Variants in STK3 observed in about 807,000 individuals in gnomAD.
STK3 encodes serine/threonine kinase 3, also known as serine/threonine-protein kinase 3.
Under a neutral mutation model 58.0 loss-of-function variants are expected in STK3, and 41 were observed. The ratio of observed to expected loss-of-function variants is 0.71; its 90% CI spans 0.55 to 0.92. The LOEUF (loss-of-function observed/expected upper bound fraction) is 0.92, where lower values mean the gene tolerates loss of function less well. STK3 is among the 40% of genes least tolerant of loss of function. The probability of loss-of-function intolerance (pLI) is 0.00; values close to 1 mark genes in which losing one functional copy is unlikely to be tolerated. For missense variants in STK3, 479 were observed against 602.7 expected, an observed-to-expected ratio of 0.79 and a Z score of 2.15; for synonymous variants, 170 against 191.0, an observed-to-expected ratio of 0.89 and a Z score of 0.91.
At chr8:98,569,184 A>G (rs537713015) in intron 8 of STK3, among the ~76,000 whole-genome samples, 6 of 152,098 alleles carry the variant, frequency 3.9e-5, no homozygotes, top group Non-Finnish European at 8.8e-5. Flanking sequence ...TTTACACCCA[A>G]TCAATCAATC....
At chr8:98,734,232 C>T (rs972141603) in intron 4 of STK3, among the ~76,000 whole-genome samples, 2 of 152,128 alleles carry the variant, frequency 1.3e-5, no homozygotes, top group Admixed American at 1.3e-4. Context: ...TGGGTGGGAA[C>T]GTAGAGCTAA....
At chr8:98,915,431 C>CATATATATATAT (rs1564102087) in intron 1 of STK3, among the ~76,000 whole-genome samples, 4 of 34,158 alleles carry the variant, frequency 1.2e-4, no homozygotes, top group East Asian at 1.1e-3. Flanking sequence ...AATAAACTTT[C>CATATATATATAT]CTATATATAT....
At chr8:98,778,163 G>T (rs2131510223) in intron 1 of STK3, among the ~76,000 whole-genome samples, 1 of 152,224 alleles carries the variant, frequency 6.6e-6, no homozygotes, top group African/African-American at 2.4e-5. Context: ...AATCTACGAT[G>T]AACTCAAACA....
chr8:98,501,107 C>T (rs976916201), intron 10 of STK3, among the ~76,000 whole-genome samples: 11 of 152,066 alleles, frequency 7.2e-5, no homozygotes, highest in Non-Finnish European at 1.2e-4. Context: ...CCATTCTAAC[C>T]GGCATGAGAT....
At chr8:98,738,917 A>T (rs1016098364) in intron 4 of STK3, among the ~76,000 whole-genome samples, 1 of 152,264 alleles carries the variant, frequency 6.6e-6, no homozygotes, top group Non-Finnish European at 1.5e-5. Flanking sequence ...CGCGCTTAAA[A>T]AACGGTTCAC....
chr8:98,940,175 C>A (rs1274203582), intron 1 of STK3, among the ~76,000 whole-genome samples: 1 of 152,082 alleles, frequency 6.6e-6, no homozygotes, highest in East Asian at 1.9e-4. Context: ...GGAGCCCGAG[C>A]CGTATCCAGC....
rs1345926891 is a variant in STK3, at chr8:98,525,058, C to T, written c.1317+1684G>A. On this transcript the variant is annotated intron_variant, in intron 10 of 10. Coordinates refer to ENST00000419617, the MANE Select transcript of STK3 (RefSeq NM_006281.4). ...GCTCATTTCAAAGTGTTTCTCAGAGCCCATTAAGATGTATTCCATACTACT... is the reference window on the plus strand; with the variant it reads ...GCTCATTTCAAAGTGTTTCTCAGAGTCCATTAAGATGTATTCCATACTACT... 1.3e-5 allele frequency among the ~76,000 whole-genome samples: 2 copies of T among 152,014 alleles called. 1 individual carries two copies.
At chr8:98,593,023 C>G (rs1815469422) in intron 7 of STK3, among the ~76,000 whole-genome samples, 1 of 152,116 alleles carries the variant, frequency 6.6e-6, no homozygotes, top group Non-Finnish European at 1.5e-5. Context: ...CTCGGCCTCC[C>G]AAAGTGCTGG....
chr8:98,889,565 A>ATC (rs1199304728), intron 1 of STK3, among the ~76,000 whole-genome samples: 1 of 152,248 alleles, frequency 6.6e-6, no homozygotes, highest in Non-Finnish European at 1.5e-5. Context: ...TTCAAATTTC[A>ATC]TCTTATCTCC....
chr8:98,589,202 TTC>T (rs1814997403), intron 7 of STK3, among the ~76,000 whole-genome samples: 1 of 152,356 alleles, frequency 6.6e-6, no homozygotes, highest in African/African-American at 2.4e-5. Context: ...AGTTTTTCTG[TTC>T]TGTTTTTTCC....
At chr8:98,577,899 C>T (rs965774516) in intron 8 of STK3, among the ~76,000 whole-genome samples, 6 of 151,580 alleles carry the variant, frequency 4.0e-5, no homozygotes, top group South Asian at 2.1e-4. Flanking sequence ...TTTCAAGTAC[C>T]GGGTATAGCA....
At chr8:98,836,637 G>A (rs1015925603) in intron 3 of STK3, among the ~76,000 whole-genome samples, 1 of 152,126 alleles carries the variant, frequency 6.6e-6, no homozygotes, top group Non-Finnish European at 1.5e-5. Flanking sequence ...AATAACTGTG[G>A]TCTCTATCTC....
chr8:98,409,086 G>C (rs1476839560), intron 3 of STK3, among the ~76,000 whole-genome samples: 1 of 152,092 alleles, frequency 6.6e-6, no homozygotes, highest in South Asian at 2.1e-4. Context: ...AACTGGAAAT[G>C]GTCTCCTCAG....
intron 6 of STK3, among the ~76,000 whole-genome samples, chr8:98,696,646 T>C (rs1163809359): frequency 6.6e-6 from 1 of 152,258 alleles, no homozygotes; most frequent in Non-Finnish European, 1.5e-5. Context: ...TCTGTTTACA[T>C]GCTGGATTAC....
intron 3 of STK3, among the ~76,000 whole-genome samples, chr8:98,395,247 A>C (rs1817887687): frequency 6.6e-6 from 1 of 152,164 alleles, no homozygotes; most frequent in Non-Finnish European, 1.5e-5. Flanking sequence ...AAAAAAAAAA[A>C]CTATCAATGT....
intron 3 of STK3, chr8:98,412,903 A>T (rs1284491510): frequency 3.9e-6 from 1 of 257,908 alleles, no homozygotes; most frequent in Non-Finnish European, 7.4e-6. Context: ...AAGAAGATTC[A>T]CTATCTGAAC....
intron 1 of STK3, among the ~76,000 whole-genome samples, chr8:98,895,361 C>G (rs990933440): frequency 1.3e-5 from 2 of 152,088 alleles, no homozygotes; most frequent in Non-Finnish European, 2.9e-5. Context: ...AACTCGGCAC[C>G]CATCCCCCTT....
intron 8 of STK3, among the ~76,000 whole-genome samples, chr8:98,551,059 C>A (rs1811127260): frequency 6.6e-6 from 1 of 152,120 alleles, no homozygotes; most frequent in African/African-American, 2.4e-5. Flanking sequence ...AACTGAATCT[C>A]TTTGCCATAA....
At chr8:98,812,538 G>C (rs1411555716) in intron 1 of STK3, among the ~76,000 whole-genome samples, 1 of 152,164 alleles carries the variant, frequency 6.6e-6, no homozygotes, top group Non-Finnish European at 1.5e-5. Flanking sequence ...CCATTACTGG[G>C]TATATACCCA....
Sources: allele counts gnomAD v4.1 joint callset (sites outside exome capture counted in the v4.1 genomes callset), GRCh38; gene constraint gnomAD v4.1.1; transcripts MANE v1.5; gene names NCBI Gene and HGNC (gene_info 2026-07-23, HGNC 2026-07-21).